The following BRIP1 variants were observed in gnomAD, a reference collection of about 807,000 sequenced individuals.
The protein encoded by BRIP1 is BRCA1 interacting DNA helicase 1.
BRIP1 carries 88 observed loss-of-function variants against 119.7 expected under a neutral mutation model. The ratio of observed to expected loss-of-function variants is 0.74; its 90% CI spans 0.62 to 0.88. The LOEUF is 0.88. Among genes scored for constraint, BRIP1 ranks in the 40% least tolerant of loss-of-function variants. BRIP1 has a pLI of 0.00. For missense variants in BRIP1, 1,259 were observed against 1,455.4 expected (o/e 0.87, Z 2.20); for synonymous variants, 443 against 496.5 (o/e 0.89, Z 1.43).
rs2078563943 is a variant in BRIP1, at chr17:61,835,839, T to C, written c.627+11262A>G. 3.9e-5 allele frequency among the ~76,000 whole-genome samples: 6 copies of C among 152,134 alleles called. No individual in the cohort carries two copies. The South Asian group carries it at 1.0e-3, about 26-fold the overall frequency. ...ACAACTGATCAACTATTTGGGAAAATATGCAATTAGAGCCTGACCTCATAC... is the reference window on the plus strand; with the variant it reads ...ACAACTGATCAACTATTTGGGAAAACATGCAATTAGAGCCTGACCTCATAC... On this transcript the variant is annotated intron_variant, in intron 6 of 19. Transcript: ENST00000259008.
rs1014537564 is a variant in BRIP1, at chr17:61,798,137, C to T, written c.1340+963G>A. On this transcript the variant is annotated intron_variant, in intron 9 of 19. Transcript: ENST00000259008. This position sits in a 1 kb window ranked among gnomAD's most constrained non-coding sequence, Gnocchi z 5.5. ...TTAAGAGCAAAAAACTAGAAACAAC[C>T]TCCTCTATTAATCAGAGGCTGGTTA... is the stretch of plus-strand genomic sequence containing the variant. Among the ~76,000 whole-genome samples the T allele has an allele frequency of 6.6e-6, 1 of 151,930 alleles. No homozygotes were observed. Among genetic ancestry groups the T allele is most frequent in the African/African-American group, 2.4e-5 (1 of 41,434 alleles).
rs2061746822 is a variant in BRIP1, at chr17:61,709,961, A to G, written c.2492+5990T>C. 6.6e-6 allele frequency among the ~76,000 whole-genome samples: 1 copy of G among 152,186 alleles called. No homozygotes were observed. Among genetic ancestry groups the G allele is most frequent in the African/African-American group, 2.4e-5 (1 of 41,456 alleles). On this transcript the variant is annotated intron_variant, in intron 17 of 19. Transcript: ENST00000259008. This position sits in a 1 kb window ranked among gnomAD's most constrained non-coding sequence, Gnocchi z 5.0. ...GTATCCCTTACAAGAAGAGTGCCTC[A>G]GAGTATAAGCACCTTTTCTGTCAAT...
In BRIP1 at chr17:61,691,178, A is replaced by G. The variant is rs1034883039; in HGVS notation, c.2575+2252T>C. On this transcript the variant is annotated intron_variant, in intron 18 of 19. Coordinates refer to ENST00000259008, the MANE Select transcript of BRIP1 (RefSeq NM_032043.3). This position sits in a 1 kb window ranked among gnomAD's most constrained non-coding sequence, Gnocchi z 5.0. Reference sequence around the variant, plus strand: ...TGCAGCACACTAACATGGGACATGTATACATATGTAACAAACCTGCACGTT... The same window carrying G: ...TGCAGCACACTAACATGGGACATGTGTACATATGTAACAAACCTGCACGTT... Among the ~76,000 whole-genome samples the G allele has an allele frequency of 2.6e-5, 4 of 152,172 alleles. No individual in the cohort carries two copies. The highest frequency in any genetic ancestry group is 4.4e-5 in the Non-Finnish European group (3 of 68,030).
At chr17:61,685,597 T>C (rs1403954400) in intron 19 of BRIP1, 2 of 544,890 alleles carry the variant, frequency 3.7e-6, no homozygotes, top group East Asian at 5.9e-5. Flanking sequence ...GACTTGCTCA[T>C]GATCACAAAG....
intron 16 of BRIP1, among the ~76,000 whole-genome samples, chr17:61,731,627 A>T (rs1473870108): frequency 1.3e-5 from 2 of 152,296 alleles, no homozygotes; most frequent in East Asian, 3.9e-4. Context: ...GAATACTCTT[A>T]TCCATTCTGT....
At chr17:61,727,680 T>C (rs1021357436) in intron 16 of BRIP1, among the ~76,000 whole-genome samples, 6 of 151,930 alleles carry the variant, frequency 3.9e-5, no homozygotes, top group African/African-American at 1.2e-4. Context: ...GGAGGATCAT[T>C]TGAGCCCAGG....
At chr17:61,837,897 G>C (rs901958117) in intron 6 of BRIP1, among the ~76,000 whole-genome samples, 3 of 152,002 alleles carry the variant, frequency 2.0e-5, no homozygotes, top group Non-Finnish European at 4.4e-5. Context: ...AGAGTTAGGA[G>C]ACTAGAAATG....
chr17:61,715,356 C>T (rs1185410461), intron 17 of BRIP1, among the ~76,000 whole-genome samples: 1 of 151,822 alleles, frequency 6.6e-6, no homozygotes. Context: ...TTACAAATAA[C>T]ATTAAAATGA....
intron 13 of BRIP1, among the ~76,000 whole-genome samples, chr17:61,779,487 G>GCATA: frequency 6.6e-6 from 1 of 152,258 alleles, no homozygotes. Flanking sequence ...AGGCATGGTG[G>GCATA]CATACACCCA....
chr17:61,764,519 C>A (rs1038306333), intron 14 of BRIP1, among the ~76,000 whole-genome samples: 1 of 152,090 alleles, frequency 6.6e-6, no homozygotes, highest in Non-Finnish European at 1.5e-5. Flanking sequence ...TGACACCACA[C>A]AAATCATCTA....
Position 61,758,389 on chromosome 17 carries a change from G to T in BRIP1, c.2098-13798C>A, listed in dbSNP as rs964656239. Among the ~76,000 whole-genome samples the T allele has an allele frequency of 2.6e-5, 4 of 152,206 alleles. No individual in the cohort carries two copies. Among genetic ancestry groups the T allele is most frequent in the Admixed American group, 2.0e-4 (3 of 15,268 alleles). ...CTCTTGCACTATTAGAATTCAGGCT[G>T]AGGGAAGCAGATGAATAAGAAGCAA... On this transcript the variant is annotated intron_variant, in intron 14 of 19. Transcript: ENST00000259008. The surrounding 1 kb of genome is among the most constrained non-coding windows in gnomAD (Gnocchi z 5.3).
intron 14 of BRIP1, among the ~76,000 whole-genome samples, chr17:61,763,778 T>A (rs1031705711): frequency 1.1e-4 from 16 of 152,110 alleles, no homozygotes; most frequent in African/African-American, 3.6e-4. Flanking sequence ...ATATATAAAA[T>A]ACAAGAACCC....
intron 6 of BRIP1, among the ~76,000 whole-genome samples, chr17:61,813,248 T>C (rs1269142963): frequency 6.6e-6 from 1 of 150,810 alleles, no homozygotes; most frequent in African/African-American, 2.5e-5. Flanking sequence ...ACTAGGTCAA[T>C]GAAACAGTAA....
chr17:61,770,828 A>G lies in BRIP1; in HGVS notation c.2097+5573T>C, dbSNP rs1364904453. On this transcript the variant is annotated intron_variant, in intron 14 of 19. Transcript: ENST00000259008. This position sits in a 1 kb window ranked among gnomAD's most constrained non-coding sequence, Gnocchi z 4.7. ...TTAAATGGCACACTAGAAAATATCT[A>G]TCTATTAGATTCAAAAGGCAATGAT... 6.6e-6 allele frequency among the ~76,000 whole-genome samples: 1 copy of G among 152,190 alleles called. No homozygotes were observed. The highest frequency in any genetic ancestry group is 2.1e-4 in the South Asian group (1 of 4,828).
At position 61,729,866 on chromosome 17, in the gene BRIP1, G is replaced by T. The variant is rs986734835; in HGVS notation, c.2379+13147C>A. ...ACAACTGGTGGCAGGGTGACCGTGG[G>T]GGGTGTCTAGATCCCACTACCGGCA... On this transcript the variant is annotated intron_variant, in intron 16 of 19. Transcript: ENST00000259008. This position sits in a 1 kb window ranked among gnomAD's most constrained non-coding sequence, Gnocchi z 5.6. Among the ~76,000 whole-genome samples, 1 of 152,052 alleles carries T rather than the reference G, an allele frequency of 6.6e-6. No individual in the cohort carries two copies. The highest frequency in any genetic ancestry group is 1.5e-5 in the Non-Finnish European group (1 of 68,020).
Position 61,684,208 on chromosome 17 carries a change from AATT to A in BRIP1, c.2906-71_2906-69del. ...GCTAACATAATTGCTAGGTTAAAAT[AATT>A]ATTTATTAGAAATACCTAAATAACT... On this transcript the variant is annotated intron_variant, in intron 19 of 19. Transcript: ENST00000259008. This position sits in a 1 kb window ranked among gnomAD's most constrained non-coding sequence, Gnocchi z 4.5. 6.5e-7 allele frequency: 1 copy of A among 1,531,952 alleles called. No individual in the cohort carries two copies. Among genetic ancestry groups the A allele is most frequent in the East Asian group, 2.3e-5 (1 of 44,078 alleles). 94.9% of individuals were successfully genotyped at this position (1,531,952 alleles called of 1,614,324 possible). A position where few individuals can be genotyped will look rare whatever the true frequency, so the allele number is the denominator to read the frequency against.
rs1321903488 is a variant in BRIP1 at position 61,753,007 on chromosome 17, G to A, written c.2098-8416C>T. 6.6e-6 allele frequency among the ~76,000 whole-genome samples: 1 copy of A among 152,110 alleles called. No homozygotes were observed. The highest frequency in any genetic ancestry group is 2.4e-5 in the African/African-American group (1 of 41,414). ...ATTGAGAGGTGGGGGATTTTAAGAGGTGACAGGGTAACAAGAGTGCTGCCC... is the reference window on the plus strand; with the variant it reads ...ATTGAGAGGTGGGGGATTTTAAGAGATGACAGGGTAACAAGAGTGCTGCCC... On this transcript the variant is annotated intron_variant, in intron 14 of 19. Coordinates refer to ENST00000259008, the MANE Select transcript of BRIP1 (RefSeq NM_032043.3). This position sits in a 1 kb window ranked among gnomAD's most constrained non-coding sequence, Gnocchi z 4.6.
rs1329370125 is a variant in BRIP1 at position 61,810,871 on chromosome 17, T to C, written c.628-2114A>G. Reference sequence around the variant, plus strand: ...TTTCAAATAGAAAGGGATGCTATTATACAGTTTTACAACTAGATACTTTGT... The same window carrying C: ...TTTCAAATAGAAAGGGATGCTATTACACAGTTTTACAACTAGATACTTTGT... On this transcript the variant is annotated intron_variant, in intron 6 of 19. Transcript: ENST00000259008. This position sits in a 1 kb window ranked among gnomAD's most constrained non-coding sequence, Gnocchi z 4.7. Among the ~76,000 whole-genome samples the C allele has an allele frequency of 6.6e-6, 1 of 152,218 alleles. No homozygotes were observed. Among genetic ancestry groups the C allele is most frequent in the Non-Finnish European group, 1.5e-5 (1 of 68,026 alleles).
rs1415118359 is a variant in BRIP1, at chr17:61,807,454, C to T, written c.918+1013G>A. ...CCTTACTACTTATACTTTATAATCT[C>T]GTTTGAATATCTGTTAAAGTATCTT... On this transcript the variant is annotated intron_variant, in intron 7 of 19. Transcript: ENST00000259008. The surrounding 1 kb of genome is among the most constrained non-coding windows in gnomAD (Gnocchi z 4.5). Among the ~76,000 whole-genome samples, 2 of 152,058 alleles carry T rather than the reference C, an allele frequency of 1.3e-5. No homozygotes were observed. The highest frequency in any genetic ancestry group is 6.5e-5 in the Admixed American group (1 of 15,280).
Sources: allele counts gnomAD v4.1 joint callset (sites outside exome capture counted in the v4.1 genomes callset), GRCh38; gene constraint gnomAD v4.1.1; non-coding constraint Gnocchi (gnomAD v3.1); transcripts MANE v1.5; gene names NCBI Gene and HGNC (gene_info 2026-07-23, HGNC 2026-07-21).